Variants in TRPC1 observed in about 807,000 individuals in gnomAD.
TRPC1 encodes the protein transient receptor potential cation channel subfamily C member 1, also known as short transient receptor potential channel 1.
In TRPC1, 42 loss-of-function variants were observed where a neutral mutation model predicts 88.2. That is an observed-to-expected ratio of 0.48 (90% CI 0.37 to 0.62). TRPC1 has a LOEUF of 0.62. TRPC1 is among the 20% of genes least tolerant of loss of function. TRPC1 has a pLI of 0.00. For missense variants in TRPC1, 699 were observed against 957.3 expected, an observed-to-expected ratio of 0.73 and a Z score of 3.56; for synonymous variants, 288 against 331.8, an observed-to-expected ratio of 0.87 and a Z score of 1.43.
intron 9 of TRPC1, among the ~76,000 whole-genome samples, chr3:142,794,585 G>A (rs895509873): frequency 2.6e-5 from 4 of 152,170 alleles, no homozygotes; most frequent in African/African-American, 9.7e-5. Flanking sequence ...TTAGGCTATT[G>A]TGCAGAGTGG....
At chr3:142,784,294 A>T (rs900640770) in intron 6 of TRPC1, among the ~76,000 whole-genome samples, 1 of 152,248 alleles carries the variant, frequency 6.6e-6, no homozygotes, top group Admixed American at 6.5e-5. Context: ...ACATGAAAAA[A>T]TGGCTAAGTA....
intron 1 of TRPC1, among the ~76,000 whole-genome samples, chr3:142,731,216 A>G (rs530747220): frequency 6.6e-6 from 1 of 152,204 alleles, no homozygotes; most frequent in South Asian, 2.1e-4. Flanking sequence ...TTGGTTTGGA[A>G]TGATCATTGG....
chr3:142,753,388 T>C (rs2108056404), intron 4 of TRPC1, among the ~76,000 whole-genome samples: 1 of 152,326 alleles, frequency 6.6e-6, no homozygotes, highest in Non-Finnish European at 1.5e-5. Context: ...AGAAAACATT[T>C]GTACGAAATG....
At chr3:142,791,803 T>C (rs1307410426) in intron 8 of TRPC1, among the ~76,000 whole-genome samples, 3 of 152,030 alleles carry the variant, frequency 2.0e-5, no homozygotes, top group African/African-American at 7.2e-5. Flanking sequence ...TTATTATTTT[T>C]CTAATAACTA....
intron 3 of TRPC1, among the ~76,000 whole-genome samples, chr3:142,745,320 G>A (rs1934503733): frequency 6.6e-6 from 1 of 152,126 alleles, no homozygotes; most frequent in Non-Finnish European, 1.5e-5. Flanking sequence ...TGGAACCATT[G>A]ACTGGTTTTA....
chr3:142,802,104 CATTTAT>C lies in TRPC1; in HGVS notation c.1582-59_1582-54del, dbSNP rs1235731854. The C allele has an allele frequency of 7.0e-6, 8 of 1,139,134 alleles. No homozygotes were observed. The East Asian group carries it at 2.2e-4, about 31-fold the overall frequency. 70.6% of individuals were successfully genotyped at this position (1,139,134 alleles called of 1,614,324 possible). On this transcript the variant is annotated intron_variant, in intron 9 of 12. Transcript: ENST00000476941. The stretch of plus-strand genomic sequence containing the variant: ...TGTCTTCTTCCTTTTGTTGCTGGGT[CATTTAT>C]ATTTAATATTTTGTTTTTCTGATAA...
chr3:142,790,945 G>A, intron 7 of TRPC1, 74 bp from the exon 8 acceptor site: 1 of 1,088,044 alleles, frequency 9.2e-7, no homozygotes, highest in Non-Finnish European at 1.2e-6. Context: ...TTAATATTTT[G>A]AGTCTTAAAG....
At position 142,748,333 on chromosome 3, in the gene TRPC1, C is replaced by T. The variant is rs767750507; in HGVS notation, c.505C>T (p.Arg169Cys). 37 of 1,613,862 alleles carry T rather than the reference C, an allele frequency of 2.3e-5. No homozygotes were observed. The highest frequency in any genetic ancestry group is 1.6e-4 in the East Asian group (7 of 44,884). The change falls in exon 4 of 13, where the codon CGT becomes TGT. Residue 169 changes from arginine to cysteine, a missense_variant. By Grantham distance (180) the Arg-to-Cys change is radical (BLOSUM62 -3). Coordinates refer to ENST00000476941, the MANE Select transcript of TRPC1 (RefSeq NM_001251845.2). ...DVAPVILAAHRNNYEILTMLL... is the reference protein window; with the variant it reads ...DVAPVILAAHCNNYEILTMLL... Reference sequence around the variant, plus strand: ...TGCACCTGTCATTTTAGCTGCTCATCGTAACAACTATGAAATTCTTACAAT... The same window carrying T: ...TGCACCTGTCATTTTAGCTGCTCATTGTAACAACTATGAAATTCTTACAAT...
At chr3:142,741,305 T>C (rs1934337490) in intron 2 of TRPC1, among the ~76,000 whole-genome samples, 1 of 152,118 alleles carries the variant, frequency 6.6e-6, no homozygotes, top group Non-Finnish European at 1.5e-5. Flanking sequence ...CAAGAAATTT[T>C]AATGTAAATG....
rs76348754 is a variant in TRPC1, at chr3:142,725,221, A to C, written c.172+490A>C. On this transcript the variant is annotated intron_variant, in intron 1 of 12. Coordinates refer to ENST00000476941, the MANE Select transcript of TRPC1 (RefSeq NM_001251845.2). ...TAAAAACAAAACCAGACCCTCTATT[A>C]TTTAGCTTCACCTGACCAGTGCTTT... Among the ~76,000 whole-genome samples, 3 of 152,248 alleles carry C rather than the reference A, an allele frequency of 2.0e-5. No homozygotes were observed. The East Asian group carries it at 5.8e-4, about 29-fold the overall frequency.
At chr3:142,761,080 C>T (rs901539910) in intron 4 of TRPC1, among the ~76,000 whole-genome samples, 1 of 151,992 alleles carries the variant, frequency 6.6e-6, no homozygotes, top group African/African-American at 2.4e-5. Context: ...TACTCTTTAT[C>T]TCTTTGTCTT....
At chr3:142,770,358 A>C (rs1444276759) in intron 4 of TRPC1, among the ~76,000 whole-genome samples, 1 of 151,998 alleles carries the variant, frequency 6.6e-6, no homozygotes, top group Non-Finnish European at 1.5e-5. Context: ...CAGCCTCCCA[A>C]ATTGCTAGGA....
chr3:142,766,058 C>T (rs186199422), intron 4 of TRPC1, among the ~76,000 whole-genome samples: 7 of 151,858 alleles, frequency 4.6e-5, no homozygotes, highest in South Asian at 2.1e-4. Context: ...CAGATGCTGG[C>T]AAGGTTATGG....
At chr3:142,780,529 C>T (rs747645172) in intron 5 of TRPC1, among the ~76,000 whole-genome samples, 8 of 151,956 alleles carry the variant, frequency 5.3e-5, no homozygotes, top group South Asian at 2.1e-4. Flanking sequence ...ATGAGTTAAG[C>T]GAAGAACTGG....
intron 2 of TRPC1, among the ~76,000 whole-genome samples, chr3:142,739,001 C>T (rs370904118): frequency 1.3e-5 from 2 of 151,938 alleles, no homozygotes; most frequent in African/African-American, 2.4e-5. Context: ...GATGGAGTTT[C>T]GCTCTTGTTG....
At position 142,724,550 on chromosome 3, in the gene TRPC1, A is replaced by G. The variant is rs1160445300; in HGVS notation, c.-10A>G. On this transcript the variant is annotated 5_prime_UTR_variant, in exon 1 of 13. The change abolishes an upstream ATG in the 5' untranslated region. Coordinates refer to ENST00000476941, the MANE Select transcript of TRPC1 (RefSeq NM_001251845.2). The surrounding 1 kb of genome is among the most constrained non-coding windows in gnomAD (Gnocchi z 5.6). ...CCCCGTCTCCTGGCCTGCCCCCTTC[A>G]TGGGCCGCGATGATGGCGGCCCTGT... 3.2e-6 allele frequency: 5 copies of G among 1,555,820 alleles called. No individual in the cohort carries two copies. Among genetic ancestry groups the G allele is most frequent in the East Asian group, 2.4e-5 (1 of 41,300 alleles).
chr3:142,728,948 A>G (rs1444548394), intron 1 of TRPC1, among the ~76,000 whole-genome samples: 4 of 152,148 alleles, frequency 2.6e-5, no homozygotes, highest in African/African-American at 7.2e-5. Flanking sequence ...GCTGTGAGGA[A>G]AAAACTTTGC....
chr3:142,791,406 T>C (rs1307970092), intron 8 of TRPC1, among the ~76,000 whole-genome samples: 1 of 151,992 alleles, frequency 6.6e-6, no homozygotes, highest in Non-Finnish European at 1.5e-5. Context: ...TTTATCTCTT[T>C]TTATCTACAC....
chr3:142,745,149 A>T (rs889656917), intron 3 of TRPC1, among the ~76,000 whole-genome samples: 33 of 152,170 alleles, frequency 2.2e-4, no homozygotes, highest in Non-Finnish European at 3.8e-4. Context: ...GGCTAAGAAT[A>T]TAGTCCCTAT....
Sources: allele counts gnomAD v4.1 joint callset (sites outside exome capture counted in the v4.1 genomes callset), GRCh38; gene constraint gnomAD v4.1.1; non-coding constraint Gnocchi (gnomAD v3.1); transcripts MANE v1.5; gene names NCBI Gene and HGNC (gene_info 2026-07-23, HGNC 2026-07-21).